ABCA10: variants seen among roughly 807,000 people sequenced by gnomAD.
ABCA10 encodes ATP binding cassette subfamily A member 10.
In ABCA10, 169 loss-of-function variants were observed where a neutral mutation model predicts 187.5. The observed-to-expected ratio is 0.90, with a 90% CI of 0.80 to 1.02. The LOEUF is 1.02. Ranked by LOEUF, ABCA10 falls within the 50% of genes least tolerant of loss-of-function variation. ABCA10 has a pLI of 0.00. For synonymous variants in ABCA10, 574 were observed against 601.8 expected, an observed-to-expected ratio of 0.95 and a Z score of 0.68; for missense variants, 1,727 against 1,812.4, an observed-to-expected ratio of 0.95 and a Z score of 0.86.
At chr17:69,234,916 G>A (rs1310738244) in intron 1 of ABCA10, 5 of 152,062 alleles carry the variant, frequency 3.3e-5, no homozygotes, top group African/African-American at 1.2e-4. Context: ...AATGCCACTT[G>A]TTTTTTGCTC....
chr17:69,215,867 C>T lies in ABCA10; in HGVS notation c.806G>A (p.Gly269Glu). 1 of 1,613,376 alleles carries T rather than the reference C, an allele frequency of 6.2e-7. No individual in the cohort carries two copies. The highest frequency in any genetic ancestry group is 8.5e-7 in the Non-Finnish European group (1 of 1,179,810). ...AGGGCTAAGAAGACTTAATACCCATCCCAAAGATAAAGGAAGTTGTCTATA... is the reference window on the plus strand; with the variant it reads ...AGGGCTAAGAAGACTTAATACCCATTCCAAAGATAAAGGAAGTTGTCTATA... ...VLYRQLPLSL[G>E]WVLSLLSPFA... is the part of the protein sequence containing the mutation. Residue 269 changes from glycine to glutamate, a missense_variant, in exon 8 of 39, where the codon GGA (glycine) becomes GAA (glutamate). Physicochemically the swap from Gly to Glu is moderately conservative, Grantham distance 98 (BLOSUM62 -2). Coordinates refer to ENST00000690296, the MANE Select transcript of ABCA10 (RefSeq NM_001377321.1).
intron 1 of ABCA10, among the ~76,000 whole-genome samples, chr17:69,243,459 C>A (rs1231076610): frequency 6.6e-6 from 1 of 152,142 alleles, no homozygotes; most frequent in Non-Finnish European, 1.5e-5. Flanking sequence ...AGAAAAGGTA[C>A]AAGAAAAATA....
At chr17:69,189,756 C>T (rs1313658202) in intron 18 of ABCA10, among the ~76,000 whole-genome samples, 2 of 152,110 alleles carry the variant, frequency 1.3e-5, no homozygotes, top group Admixed American at 6.6e-5. Flanking sequence ...CCAGTTATCC[C>T]AGCACCATTT....
At chr17:69,195,553 TC>T (rs2074492258) in intron 11 of ABCA10, among the ~76,000 whole-genome samples, 1 of 97,366 alleles carries the variant, frequency 1.0e-5, no homozygotes, top group Admixed American at 1.4e-4. Context: ...ATGAAGTTTT[TC>T]TTTTTTTTTT....
At chr17:69,208,127 G>A (rs1205684660) in intron 9 of ABCA10, among the ~76,000 whole-genome samples, 1 of 151,850 alleles carries the variant, frequency 6.6e-6, no homozygotes, top group African/African-American at 2.4e-5. Flanking sequence ...TTATAAGAAT[G>A]TATTAGGAGG....
chr17:69,174,942 T>G (rs1030289008), intron 23 of ABCA10, among the ~76,000 whole-genome samples, 165 bp from the exon 24 acceptor site: 2 of 152,198 alleles, frequency 1.3e-5, no homozygotes, highest in African/African-American at 2.4e-5. Context: ...AATGTGTAGT[T>G]ATTGGTTCAA....
chr17:69,201,442 G>A (rs1238124615), intron 10 of ABCA10, 58 bp downstream of exon 10: 11 of 1,365,378 alleles, frequency 8.1e-6, no homozygotes, highest in African/African-American at 1.5e-5. Flanking sequence ...TTGACCTGCA[G>A]CTTCATTTAC....
In ABCA10 at chr17:69,153,834, G is replaced by A. The variant is rs1598084548; in HGVS notation, c.3962C>T (p.Ser1321Leu). The change falls in exon 32 of 39, where the codon TCA becomes TTA. Residue 1321 changes from serine (S) to leucine (L), a missense_variant. Transcript: ENST00000690296. The part of the protein sequence containing the change: ...LGKEDAALSI[S>L]RLVEALKLQE... The stretch of plus-strand genomic sequence containing the variant: ...ATTGTGAGACTTCTCTCTGTACCGT[G>A]AAATACTGAGAGCAGCATCTTCTTT... 2 of 1,612,504 alleles carry A rather than the reference G, an allele frequency of 1.2e-6. No homozygotes were observed. Among genetic ancestry groups the A allele is most frequent in the Middle Eastern group, 1.7e-4 (1 of 6,052 alleles).
chr17:69,153,691 G>A, intron 32 of ABCA10, 140 bp downstream of exon 32: 1 of 1,428,916 alleles, frequency 7.0e-7, no homozygotes, highest in Non-Finnish European at 9.4e-7. Context: ...CTTATGATTT[G>A]GTTCTTATTC....
intron 1 of ABCA10, among the ~76,000 whole-genome samples, chr17:69,228,059 C>G (rs1207121657): frequency 1.3e-5 from 2 of 151,874 alleles, no homozygotes; most frequent in African/African-American, 4.8e-5. Flanking sequence ...AGAGAACTTG[C>G]TATATTTCCC....
At chr17:69,219,519 T>C (rs754607877) in intron 6 of ABCA10, 26 bp downstream of exon 6, 4 of 1,475,602 alleles carry the variant, frequency 2.7e-6, no homozygotes, top group East Asian at 4.6e-5. Flanking sequence ...ATGTATGATA[T>C]ACAGTAAAGT....
At chr17:69,206,022 G>A (rs1443880163) in intron 9 of ABCA10, among the ~76,000 whole-genome samples, 1 of 152,120 alleles carries the variant, frequency 6.6e-6, no homozygotes, top group Non-Finnish European at 1.5e-5. Flanking sequence ...ATTACCATAA[G>A]TCTGGAGTTT....
intron 25 of ABCA10, among the ~76,000 whole-genome samples, chr17:69,173,425 G>A (rs961053558): frequency 2.7e-4 from 41 of 152,126 alleles, no homozygotes; most frequent in African/African-American, 9.9e-4. Flanking sequence ...AACAGCTCCA[G>A]TGAAGTAAAA....
chr17:69,175,036 C>T (rs1185260917), intron 23 of ABCA10, among the ~76,000 whole-genome samples: 1 of 152,018 alleles, frequency 6.6e-6, no homozygotes, highest in African/African-American at 2.4e-5. Flanking sequence ...TTTTTAAAGC[C>T]CAGTTTATTA....
chr17:69,230,425 G>C (rs988273041), upstream of ABCA10, among the ~76,000 whole-genome samples: 5 of 152,012 alleles, frequency 3.3e-5, no homozygotes, highest in African/African-American at 9.7e-5. Context: ...GTGTCCCTTG[G>C]AGAGGTCATA....
At chr17:69,199,880 A>T (rs775653232) in intron 10 of ABCA10, among the ~76,000 whole-genome samples, 1 of 152,256 alleles carries the variant, frequency 6.6e-6, no homozygotes, top group Non-Finnish European at 1.5e-5. Flanking sequence ...TATAAGAATT[A>T]ATACCAAAGA....
At chr17:69,211,351 A>ATATATGTG (rs2074656476) in intron 9 of ABCA10, among the ~76,000 whole-genome samples, 2 of 19,552 alleles carry the variant, frequency 1.0e-4, no homozygotes, top group African/African-American at 1.7e-4. Context: ...ATATATATAT[A>ATATATGTG]TATATATATA....
intron 27 of ABCA10, among the ~76,000 whole-genome samples, chr17:69,161,547 T>G (rs2074218605): frequency 6.6e-6 from 1 of 152,204 alleles, no homozygotes; most frequent in South Asian, 2.1e-4. Context: ...AAGCCGCTTC[T>G]AGGCCTGGCC....
intron 32 of ABCA10, 27 bp downstream of exon 32, chr17:69,153,804 T>C: frequency 6.3e-7 from 1 of 1,583,668 alleles, no homozygotes; most frequent in South Asian, 1.2e-5. Context: ...TTCCTCCTGC[T>C]ACAAATTGTG....
Sources: gnomAD v4.1 joint callset for allele counts (sites outside exome capture counted in the v4.1 genomes callset) on GRCh38, gnomAD v4.1.1 for gene constraint, MANE v1.5 for transcripts, NCBI Gene and HGNC (gene_info 2026-07-23, HGNC 2026-07-21) for gene names.